The following NEDD1 variants were observed in gnomAD, a reference collection of about 807,000 sequenced individuals.
NEDD1 encodes the protein protein NEDD1.
NEDD1 carries 33 observed loss-of-function variants against 74.0 expected under a neutral mutation model. That is an observed-to-expected ratio of 0.45 (90% CI 0.34 to 0.60). NEDD1 has a LOEUF of 0.60. Among genes scored for constraint, NEDD1 ranks in the 20% least tolerant of loss-of-function variants. NEDD1 has a pLI of 0.01. For missense variants in NEDD1, 746 were observed against 776.5 expected (o/e 0.96, Z 0.47); for synonymous variants, 250 against 264.4 (o/e 0.95, Z 0.53).
At chr12:96,927,354 G>A (rs1875826451) in intron 6 of NEDD1, among the ~76,000 whole-genome samples, 1 of 152,198 alleles carries the variant, frequency 6.6e-6, no homozygotes, top group Non-Finnish European at 1.5e-5. Context: ...TGTCTGAGCT[G>A]AATTAAAGTT....
intron 6 of NEDD1, among the ~76,000 whole-genome samples, chr12:96,933,831 A>G (rs1876804099): frequency 6.6e-6 from 1 of 152,220 alleles, no homozygotes; most frequent in Non-Finnish European, 1.5e-5. Flanking sequence ...GTAAATGACA[A>G]CATCAATACA....
rs139724150 is a variant in NEDD1 at position 96,907,648 on chromosome 12, C to T, written c.-217C>T. Reference sequence around the variant, plus strand: ...AGGTTAGCCTCACTTGAGCTGTTGTCCTGCAAGTAAAGTGTATTTTTGGTG... The same window carrying T: ...AGGTTAGCCTCACTTGAGCTGTTGTTCTGCAAGTAAAGTGTATTTTTGGTG... On this transcript the variant is annotated 5_prime_UTR_variant, in exon 2 of 16. Transcript: ENST00000266742. The T allele has an allele frequency of 4.6e-4, 708 of 1,550,572 alleles. No individual in the cohort carries two copies. Among genetic ancestry groups the T allele is most frequent in the Non-Finnish European group, 5.9e-4 (672 of 1,146,016 alleles).
At chr12:96,941,686 G>A (rs1877677924) in intron 10 of NEDD1, among the ~76,000 whole-genome samples, 1 of 152,042 alleles carries the variant, frequency 6.6e-6, no homozygotes, top group South Asian at 2.1e-4. Flanking sequence ...GGGCTTTTTG[G>A]AAGTGTTTGA....
rs1057124066 is a variant in NEDD1 at position 96,912,281 on chromosome 12, A to C, written c.137-442A>C. ...GGCCTTTTTTTTTTTTAAATAGAAA[A>C]ATAGGAGACTAGTGTGGATGTTTGC... is the stretch of plus-strand genomic sequence containing the variant. On this transcript the variant is annotated intron_variant, in intron 3 of 15. Coordinates refer to ENST00000266742, the MANE Select transcript of NEDD1 (RefSeq NM_152905.4). Among the ~76,000 whole-genome samples, 7 of 152,154 alleles carry C rather than the reference A, an allele frequency of 4.6e-5. No homozygotes were observed. The East Asian group carries it at 1.4e-3, about 29-fold the overall frequency.
At chr12:96,910,096 T>G (rs1873759990) in intron 3 of NEDD1, among the ~76,000 whole-genome samples, 1 of 152,202 alleles carries the variant, frequency 6.6e-6, no homozygotes, top group Non-Finnish European at 1.5e-5. Context: ...GTTGCGTTCA[T>G]TTAAAAAAAA....
chr12:96,925,772 A>G (rs1183698322), intron 6 of NEDD1, among the ~76,000 whole-genome samples: 2 of 152,244 alleles, frequency 1.3e-5, no homozygotes, highest in East Asian at 3.8e-4. Context: ...TTAGGAAAAC[A>G]GTAATGCTCA....
intron 6 of NEDD1, among the ~76,000 whole-genome samples, chr12:96,924,624 A>T (rs1057297231): frequency 6.6e-6 from 1 of 152,124 alleles, no homozygotes; most frequent in Non-Finnish European, 1.5e-5. Context: ...TTGTAGAGAG[A>T]AACACAGTTC....
intron 14 of NEDD1, among the ~76,000 whole-genome samples, chr12:96,950,050 G>A (rs1440657776): frequency 6.6e-6 from 1 of 151,908 alleles, no homozygotes; most frequent in Non-Finnish European, 1.5e-5. Flanking sequence ...AGAGTGAAGG[G>A]ATAAGAAGAT....
At chr12:96,943,897 C>G (rs1877925784) in intron 12 of NEDD1, 135 bp downstream of exon 12, 2 of 597,788 alleles carry the variant, frequency 3.3e-6, no homozygotes, top group South Asian at 4.3e-5. Context: ...ATTTTAATAA[C>G]TACAGAATAC....
chr12:96,945,689 T>G lies in NEDD1; in HGVS notation c.1655-4T>G. ...ATTAATATTTTCTTCATTCTTTATTTTAGATCCAAAGATAGCATCTTCTGT... is the reference window on the plus strand; with the variant it reads ...ATTAATATTTTCTTCATTCTTTATTGTAGATCCAAAGATAGCATCTTCTGT... On this transcript the variant is annotated splice_region_variant and splice_polypyrimidine_tract_variant and intron_variant, in intron 13 of 15. Coordinates refer to ENST00000266742, the MANE Select transcript of NEDD1 (RefSeq NM_152905.4). The G allele has an allele frequency of 6.4e-7, 1 of 1,564,566 alleles. No homozygotes were observed. Among genetic ancestry groups the G allele is most frequent in the Non-Finnish European group, 8.8e-7 (1 of 1,136,384 alleles).
Position 96,953,759 on chromosome 12 carries a change from T to A in NEDD1, c.*1706T>A, listed in dbSNP as rs1878899792. 2.6e-5 allele frequency: 4 copies of A among 151,812 alleles called. No homozygotes were observed. Among genetic ancestry groups the A allele is most frequent in the Admixed American group, 2.6e-4 (4 of 15,234 alleles). The allele number at this position is 151,812 out of a possible 1,614,324, so 9.4% of individuals were successfully genotyped here. A position where few individuals can be genotyped will look rare whatever the true frequency, so the allele number is the denominator to read the frequency against. ...GAGAGATTTACCTTCCCACCTGAAA[T>A]TAAAAAAGAAAATATGTGAAACAGT... On this transcript the variant is annotated 3_prime_UTR_variant, in exon 16 of 16. Coordinates refer to ENST00000266742, the MANE Select transcript of NEDD1 (RefSeq NM_152905.4).
chr12:96,914,964 G>C (rs773858957), intron 4 of NEDD1, among the ~76,000 whole-genome samples: 35 of 152,262 alleles, frequency 2.3e-4, no homozygotes, highest in South Asian at 8.3e-4. Context: ...CCAATATATT[G>C]ATCTTCAATG....
intron 4 of NEDD1, among the ~76,000 whole-genome samples, chr12:96,916,987 G>A (rs914452370): frequency 2.5e-4 from 38 of 152,104 alleles, no homozygotes; most frequent in Non-Finnish European, 4.3e-4. Context: ...TTGGAGGGGA[G>A]GGAGAACAAG....
intron 6 of NEDD1, among the ~76,000 whole-genome samples, chr12:96,928,439 C>T (rs926841989): frequency 6.6e-6 from 1 of 152,142 alleles, no homozygotes; most frequent in Admixed American, 6.5e-5. Flanking sequence ...TACAAGTTCT[C>T]TTTCAATGTA....
intron 4 of NEDD1, among the ~76,000 whole-genome samples, chr12:96,916,518 T>C (rs2136521239): frequency 7.2e-6 from 1 of 139,856 alleles, no homozygotes; most frequent in Admixed American, 7.3e-5. Context: ...TGGTTTTTTG[T>C]TCTTGCGATA....
Position 96,910,365 on chromosome 12 carries a change from A to G in NEDD1, c.136+470A>G, listed in dbSNP as rs573113001. On this transcript the variant is annotated intron_variant, in intron 3 of 15. Transcript: ENST00000266742. ...AGATAAAAAATTGCCCAATATCTCC[A>G]TCTTACTAATGTACTCTCCATATCT... 1.1e-4 allele frequency among the ~76,000 whole-genome samples: 16 copies of G among 152,340 alleles called. No individual in the cohort carries two copies. The East Asian group carries it at 2.9e-3, about 28-fold the overall frequency.
intron 8 of NEDD1, 77 bp from the exon 9 acceptor site, chr12:96,937,121 C>T (rs903907852): frequency 1.8e-4 from 144 of 796,818 alleles, no homozygotes; most frequent in Non-Finnish European, 2.5e-4. Flanking sequence ...TTTAATCTAA[C>T]AGGGAATTTA....
At chr12:96,928,224 T>G (rs1011363304) in intron 6 of NEDD1, among the ~76,000 whole-genome samples, 3 of 152,188 alleles carry the variant, frequency 2.0e-5, no homozygotes, top group Non-Finnish European at 4.4e-5. Flanking sequence ...CCTGTTCTCA[T>G]TAGTGATCTA....
intron 14 of NEDD1, among the ~76,000 whole-genome samples, chr12:96,949,153 C>G (rs1233677962): frequency 6.6e-6 from 1 of 152,202 alleles, no homozygotes; most frequent in African/African-American, 2.4e-5. Flanking sequence ...GGAATCAGCA[C>G]ATACTCTAGA....
Sources: allele counts gnomAD v4.1 joint callset (sites outside exome capture counted in the v4.1 genomes callset), GRCh38; gene constraint gnomAD v4.1.1; transcripts MANE v1.5; gene names NCBI Gene and HGNC (gene_info 2026-07-23, HGNC 2026-07-21).